The following CNTNAP3B variants were observed in gnomAD, a reference collection of about 807,000 sequenced individuals.
CNTNAP3B encodes contactin associated protein family member 3B, also known as contactin-associated protein-like 3B.
CNTNAP3B carries 25 observed loss-of-function variants against 108.9 expected under a neutral mutation model. The ratio of observed to expected loss-of-function variants is 0.23; its 90% CI spans 0.17 to 0.32. The LOEUF is 0.32. Ranked by LOEUF, CNTNAP3B falls within the 10% of genes least tolerant of loss-of-function variation. The pLI is 1.00. For missense variants in CNTNAP3B, 252 were observed against 1,210.4 expected, an observed-to-expected ratio of 0.21 and a Z score of 11.75; for synonymous variants, 103 against 473.4, an observed-to-expected ratio of 0.22 and a Z score of 10.16.
chr9:41,945,427 T>A (rs1159575943), intron 13 of CNTNAP3B, among the ~76,000 whole-genome samples: 4 of 152,310 alleles, frequency 2.6e-5, no homozygotes, highest in African/African-American at 9.6e-5. Flanking sequence ...CATGGAATAC[T>A]ATGCAGCCAT....
chr9:41,931,707 G>T (rs1430066117), intron 14 of CNTNAP3B, among the ~76,000 whole-genome samples: 3 of 150,466 alleles, frequency 2.0e-5, no homozygotes, highest in African/African-American at 7.4e-5. Context: ...AGACAAGCTA[G>T]AAATATGTCT....
At chr9:42,098,278 G>C (rs1478721853) in intron 2 of CNTNAP3B, among the ~76,000 whole-genome samples, 1 of 130,964 alleles carries the variant, frequency 7.6e-6, no homozygotes, top group Admixed American at 7.7e-5. Flanking sequence ...TTTATTCCAT[G>C]AAAAAGATAA....
intron 3 of CNTNAP3B, among the ~76,000 whole-genome samples, chr9:42,043,172 C>CTT (rs34086655): frequency 0.11 from 8,984 of 82,016 alleles, 126 homozygotes; most frequent in East Asian, 0.27. Context: ...TTCTTTTATT[C>CTT]TTTTTTTTTT....
chr9:41,997,347 C>T (rs1360899806), intron 6 of CNTNAP3B, among the ~76,000 whole-genome samples: 1 of 152,194 alleles, frequency 6.6e-6, no homozygotes, highest in Non-Finnish European at 1.5e-5. Flanking sequence ...TGTGGATTTC[C>T]TAAACCTAAC....
At chr9:42,105,782 C>A (rs1828084611) in intron 1 of CNTNAP3B, among the ~76,000 whole-genome samples, 1 of 97,744 alleles carries the variant, frequency 1.0e-5, no homozygotes, top group Non-Finnish European at 2.1e-5. Context: ...GTACCTCTTC[C>A]AGCATGGTTA....
At chr9:41,931,247 C>A (rs1218177348) in intron 14 of CNTNAP3B, among the ~76,000 whole-genome samples, 3 of 152,264 alleles carry the variant, frequency 2.0e-5, no homozygotes, top group African/African-American at 2.4e-5. Flanking sequence ...TATTTTGATA[C>A]TAGAATACAA....
chr9:42,124,833 G>A (rs1828533688), intron 1 of CNTNAP3B, among the ~76,000 whole-genome samples: 1 of 135,036 alleles, frequency 7.4e-6, no homozygotes, highest in African/African-American at 3.0e-5. Flanking sequence ...TTGATTTAGA[G>A]ACATATATAA....
chr9:41,918,793 C>T (rs1269653991), intron 18 of CNTNAP3B, among the ~76,000 whole-genome samples: 2 of 146,106 alleles, frequency 1.4e-5, no homozygotes, highest in Non-Finnish European at 3.0e-5. Flanking sequence ...CTGATGTTGG[C>T]TTGAGATATA....
chr9:42,014,420 TA>T (rs1399546656), intron 3 of CNTNAP3B, among the ~76,000 whole-genome samples: 1 of 87,516 alleles, frequency 1.1e-5, no homozygotes, highest in Non-Finnish European at 2.4e-5. Flanking sequence ...AATATTTATG[TA>T]TGGAACAGGC....
Position 42,075,367 on chromosome 9 carries a change from C to T in CNTNAP3B, c.390+1502G>A, listed in dbSNP as rs1055915907. ...TAGAGATGCAGGGATGAAAGGCAGG[C>T]ACAGTGACTTTGAAAGGAAGCTCAC... On this transcript the variant is annotated intron_variant, in intron 3 of 23. Transcript: ENST00000377561. 7.1e-5 allele frequency among the ~76,000 whole-genome samples: 10 copies of T among 141,232 alleles called. No homozygotes were observed. The East Asian group carries it at 8.5e-4, about 12-fold the overall frequency. 92.7% of individuals were successfully genotyped at this position (141,232 alleles called of 152,430 possible). A position where few individuals can be genotyped will look rare whatever the true frequency, so the allele number is the denominator to read the frequency against.
intron 1 of CNTNAP3B, among the ~76,000 whole-genome samples, chr9:42,106,568 A>T (rs950930860): frequency 8.4e-6 from 1 of 118,460 alleles, no homozygotes; most frequent in Non-Finnish European, 1.7e-5. Flanking sequence ...GGCTTTCTTG[A>T]TTTCCCCAGC....
chr9:42,003,359 G>T (rs1375461650), intron 4 of CNTNAP3B, among the ~76,000 whole-genome samples: 1 of 78,570 alleles, frequency 1.3e-5, no homozygotes, highest in Non-Finnish European at 2.8e-5. Flanking sequence ...CTTGAAAACA[G>T]CAAGATTCCA....
chr9:41,943,058 AAAT>A (rs1172074545), intron 13 of CNTNAP3B, among the ~76,000 whole-genome samples: 95 of 152,356 alleles, frequency 6.2e-4, no homozygotes, highest in Admixed American at 2.0e-3. Context: ...AAGGAATTTG[AAAT>A]AATAATCAAT....
intron 2 of CNTNAP3B, among the ~76,000 whole-genome samples, chr9:42,094,417 A>C (rs28705224): frequency 0.41 from 50,105 of 121,746 alleles, 13,527 homozygotes; most frequent in East Asian, 0.65. Context: ...CATTTTGGGA[A>C]GCTGAGGTGG....
rs555285525 is a variant in CNTNAP3B at position 42,093,211 on chromosome 9, G to A, written c.196+11418C>T. 4.2e-5 allele frequency among the ~76,000 whole-genome samples: 4 copies of A among 94,198 alleles called. 1 individual carries two copies. The highest frequency in any genetic ancestry group is 1.2e-4 in the African/African-American group (3 of 24,976). 61.8% of individuals were successfully genotyped at this position (94,198 alleles called of 152,430 possible). A position where few individuals can be genotyped will look rare whatever the true frequency, so the allele number is the denominator to read the frequency against. ...ATACAAAAAATTAGCCAGGCGTGGT[G>A]GCGCGACCCTGTAATCCCAGTTACT... On this transcript the variant is annotated intron_variant, in intron 2 of 23. Transcript: ENST00000377561.
chr9:41,969,721 C>A (rs1370701099), intron 10 of CNTNAP3B, among the ~76,000 whole-genome samples: 1 of 149,182 alleles, frequency 6.7e-6, no homozygotes, highest in Non-Finnish European at 1.5e-5. Context: ...GGGTTCATGC[C>A]ATTCTCCTGC....
chr9:42,054,422 C>T (rs1827016855), intron 3 of CNTNAP3B, among the ~76,000 whole-genome samples: 1 of 151,166 alleles, frequency 6.6e-6, no homozygotes, highest in Admixed American at 6.6e-5. Flanking sequence ...TAGATATCAG[C>T]ACATTCACGA....
At chr9:42,103,266 A>C (rs1828032492) in intron 2 of CNTNAP3B, among the ~76,000 whole-genome samples, 1 of 148,502 alleles carries the variant, frequency 6.7e-6, no homozygotes, top group South Asian at 2.1e-4. Flanking sequence ...TCACAGACTT[A>C]AGAAAAATAA....
At position 42,042,078 on chromosome 9, in the gene CNTNAP3B, G is replaced by A. The variant is rs1189511761; in HGVS notation, c.391-28553C>T. ...AGGATGGGGAACATCACACACTGGG[G>A]CCTGTCGTGGGGTGGTGGGAGGAGG... is the stretch of plus-strand genomic sequence containing the variant. On this transcript the variant is annotated intron_variant, in intron 3 of 23. Transcript: ENST00000377561. 7.1e-5 allele frequency among the ~76,000 whole-genome samples: 10 copies of A among 141,186 alleles called. No individual in the cohort carries two copies. In the South Asian group the frequency reaches 2.3e-3, roughly 32 times the overall value. The allele number at this position is 141,186 out of a possible 152,430, so 92.6% of individuals were successfully genotyped here. A position where few individuals can be genotyped will look rare whatever the true frequency, so the allele number is the denominator to read the frequency against.
Sources: gnomAD v4.1 joint callset for allele counts (sites outside exome capture counted in the v4.1 genomes callset) on GRCh38, gnomAD v4.1.1 for gene constraint, MANE v1.5 for transcripts, NCBI Gene and HGNC (gene_info 2026-07-23, HGNC 2026-07-21) for gene names.